The following SPOCK1 variants were observed in gnomAD, a reference collection of about 807,000 sequenced individuals.
SPOCK1 encodes testican-1.
SPOCK1 carries 23 observed loss-of-function variants against 55.3 expected under a neutral mutation model. The ratio of observed to expected loss-of-function variants is 0.42; its 90% CI spans 0.30 to 0.59. The LOEUF is 0.59. Ranked by LOEUF, SPOCK1 falls within the 20% of genes least tolerant of loss-of-function variation. The pLI is 0.22. For missense variants in SPOCK1, 499 were observed against 552.5 expected (o/e 0.90, Z 0.97); for synonymous variants, 226 against 221.0 (o/e 1.02, Z -0.20).
chr5:137,214,315 C>T (rs911650532), intron 3 of SPOCK1, among the ~76,000 whole-genome samples: 2 of 152,090 alleles, frequency 1.3e-5, no homozygotes, highest in African/African-American at 4.8e-5. Context: ...GAATTGAAAC[C>T]CAAGTTTGTC....
At chr5:137,035,831 TG>T (rs1751875284) in intron 6 of SPOCK1, among the ~76,000 whole-genome samples, 1 of 152,128 alleles carries the variant, frequency 6.6e-6, no homozygotes, top group Non-Finnish European at 1.5e-5. Flanking sequence ...ACAAAGGCAG[TG>T]GGGAAAGGAG....
rs1303472017 is a variant in SPOCK1 at position 136,977,506 on chromosome 5, G to GAATT, written c.*1144_*1147dup. The GAATT allele has an allele frequency of 1.0e-5, 3 of 290,342 alleles. No homozygotes were observed. The highest frequency in any genetic ancestry group is 4.3e-5 in the African/African-American group (2 of 46,296). 18.0% of individuals were successfully genotyped at this position (290,342 alleles called of 1,614,324 possible). A position where few individuals can be genotyped will look rare whatever the true frequency, so the allele number is the denominator to read the frequency against. On this transcript the variant is annotated 3_prime_UTR_variant, in exon 11 of 11. Transcript: ENST00000394945. ...GAGTAAAAGCAAAACATTGAGTTCA[G>GAATT]AATTAGAAATTTTCTTCTTTTAAGG...
intron 3 of SPOCK1, among the ~76,000 whole-genome samples, chr5:137,203,633 T>C (rs1470080333): frequency 1.3e-5 from 2 of 152,216 alleles, no homozygotes; most frequent in Non-Finnish European, 1.5e-5. Flanking sequence ...TTTAGCTAAA[T>C]GAGAAAATCA....
chr5:137,366,748 C>T lies in SPOCK1; in HGVS notation c.187-99693G>A, dbSNP rs534371449. On this transcript the variant is annotated intron_variant, in intron 2 of 10. Coordinates refer to ENST00000394945, the MANE Select transcript of SPOCK1 (RefSeq NM_004598.4). ...TGATTAAGTAGGAGTTTAGTCAAAACAGATGCGGCAAGGGAGTCTCTCACC... is the reference window on the plus strand; with the variant it reads ...TGATTAAGTAGGAGTTTAGTCAAAATAGATGCGGCAAGGGAGTCTCTCACC... Among the ~76,000 whole-genome samples the T allele has an allele frequency of 6.6e-4, 101 of 152,322 alleles. 2 individuals are homozygous for T. Among genetic ancestry groups the T allele is most frequent in the Middle Eastern group, 6.8e-3 (2 of 294 alleles).
At position 137,172,530 on chromosome 5, in the gene SPOCK1, A is replaced by G. The variant is rs369684245; in HGVS notation, c.233-31836T>C. ...TGCACTGTCATCTGTGCATTATTTA[A>G]TAAAGCAATTGAAGGGATGAGTCTA... On this transcript the variant is annotated intron_variant, in intron 3 of 10. Coordinates refer to ENST00000394945, the MANE Select transcript of SPOCK1 (RefSeq NM_004598.4). Among the ~76,000 whole-genome samples, 14 of 152,194 alleles carry G rather than the reference A, an allele frequency of 9.2e-5. No individual in the cohort carries two copies. In the East Asian group the frequency reaches 1.3e-3, roughly 15 times the overall value.
At chr5:137,495,822 A>G (rs890976096) in intron 2 of SPOCK1, among the ~76,000 whole-genome samples, 1 of 152,154 alleles carries the variant, frequency 6.6e-6, no homozygotes, top group Non-Finnish European at 1.5e-5. Flanking sequence ...GAGTTCCACA[A>G]CACTTTAAAG....
intron 3 of SPOCK1, among the ~76,000 whole-genome samples, chr5:137,215,822 C>T (rs944463322): frequency 3.3e-5 from 5 of 152,130 alleles, no homozygotes; most frequent in African/African-American, 9.7e-5. Flanking sequence ...TGATGCATAA[C>T]GGTTCATTTC....
chr5:137,376,105 G>C (rs1751308319), intron 2 of SPOCK1, among the ~76,000 whole-genome samples: 1 of 152,196 alleles, frequency 6.6e-6, no homozygotes, highest in South Asian at 2.1e-4. Context: ...CAGCCCACCA[G>C]GCTTTCACCA....
chr5:137,343,231 C>T (rs1461352495), intron 2 of SPOCK1, among the ~76,000 whole-genome samples: 1 of 152,240 alleles, frequency 6.6e-6, no homozygotes, highest in African/African-American at 2.4e-5. Flanking sequence ...CAGAGACTAG[C>T]TAGACCTGCA....
chr5:137,232,966 C>A (rs1193627916), intron 3 of SPOCK1, among the ~76,000 whole-genome samples: 4 of 152,172 alleles, frequency 2.6e-5, no homozygotes, highest in Admixed American at 6.5e-5. Flanking sequence ...TTGTTTCAGG[C>A]TACATGGAAC....
At position 137,039,271 on chromosome 5, in the gene SPOCK1, T is replaced by A. The variant is rs1348273481; in HGVS notation, c.589+28444A>T. On this transcript the variant is annotated intron_variant, in intron 6 of 10. Transcript: ENST00000394945. ...CACTCTGCCTTTCTGCCTGCCACAC[T>A]TTTTTTTTTTTTTTTTTTTTTTTTT... Among the ~76,000 whole-genome samples the A allele has an allele frequency of 1.8e-4, 6 of 33,380 alleles. No individual in the cohort carries two copies. The Admixed American group carries it at 2.0e-3, about 11-fold the overall frequency. 21.9% of individuals were successfully genotyped at this position (33,380 alleles called of 152,430 possible).
At chr5:137,121,910 C>T (rs1753692752) in intron 4 of SPOCK1, among the ~76,000 whole-genome samples, 1 of 144,068 alleles carries the variant, frequency 6.9e-6, no homozygotes, top group African/African-American at 2.5e-5. Flanking sequence ...TATTATATGT[C>T]ATAAATAATA....
chr5:137,273,008 T>G (rs749461536), intron 2 of SPOCK1, among the ~76,000 whole-genome samples: 1 of 152,168 alleles, frequency 6.6e-6, no homozygotes, highest in Non-Finnish European at 1.5e-5. Context: ...GAGCAATTCT[T>G]TGATAAATTG....
intron 3 of SPOCK1, among the ~76,000 whole-genome samples, chr5:137,239,325 C>T (rs986774444): frequency 6.6e-6 from 1 of 152,244 alleles, no homozygotes; most frequent in African/African-American, 2.4e-5. Flanking sequence ...ATTCTAGACC[C>T]TTGCCCTATG....
intron 6 of SPOCK1, among the ~76,000 whole-genome samples, chr5:137,022,475 C>T (rs552263130): frequency 7.2e-5 from 11 of 152,098 alleles, no homozygotes; most frequent in Non-Finnish European, 1.3e-4. Flanking sequence ...TCACCAAGAT[C>T]GGGGCAGTTT....
intron 5 of SPOCK1, among the ~76,000 whole-genome samples, chr5:137,092,353 A>AC (rs1161027859): frequency 1.3e-5 from 2 of 152,190 alleles, no homozygotes; most frequent in Admixed American, 1.3e-4. Context: ...TGAGGAAGCG[A>AC]CCGAGGGGCT....
At chr5:137,198,680 A>G (rs958485785) in intron 3 of SPOCK1, among the ~76,000 whole-genome samples, 1 of 152,216 alleles carries the variant, frequency 6.6e-6, no homozygotes, top group Non-Finnish European at 1.5e-5. Context: ...TAGTATGGCT[A>G]GCATCTCCTT....
chr5:137,077,901 A>G (rs573132211), intron 5 of SPOCK1, among the ~76,000 whole-genome samples: 108 of 152,304 alleles, frequency 7.1e-4, no homozygotes, highest in African/African-American at 2.3e-3. Context: ...AAATAAATTC[A>G]TCATCTTCCC....
chr5:137,353,967 C>T (rs1014441425), intron 2 of SPOCK1, among the ~76,000 whole-genome samples: 1 of 152,208 alleles, frequency 6.6e-6, no homozygotes, highest in Non-Finnish European at 1.5e-5. Flanking sequence ...TCCTCAACGG[C>T]ATCACCAGCT....
Sources: gnomAD v4.1 joint callset for allele counts (sites outside exome capture counted in the v4.1 genomes callset) on GRCh38, gnomAD v4.1.1 for gene constraint, MANE v1.5 for transcripts, NCBI Gene and HGNC (gene_info 2026-07-23, HGNC 2026-07-21) for gene names.